The following ROR2 variants were observed in gnomAD, a reference collection of about 807,000 sequenced individuals.
ROR2 encodes the protein ROR family WNT receptor 2.
In ROR2, 33 loss-of-function variants were observed where a neutral mutation model predicts 74.9. That is an observed-to-expected ratio of 0.44 (90% CI 0.33 to 0.59). ROR2 has a LOEUF of 0.59. ROR2 is among the 20% of genes least tolerant of loss of function. The pLI is 0.02. For missense variants in ROR2, 1,216 were observed against 1,313.8 expected, an observed-to-expected ratio of 0.93 and a Z score of 1.15; for synonymous variants, 586 against 558.7, an observed-to-expected ratio of 1.05 and a Z score of -0.69.
At chr9:91,822,952 C>T (rs982805221) in intron 1 of ROR2, among the ~76,000 whole-genome samples, 4 of 152,312 alleles carry the variant, frequency 2.6e-5, no homozygotes, top group African/African-American at 7.2e-5. Flanking sequence ...CAGTAAGAAA[C>T]ATCACCGGAG....
intron 1 of ROR2, among the ~76,000 whole-genome samples, chr9:91,820,999 G>A (rs555282155): frequency 6.6e-6 from 1 of 152,250 alleles, no homozygotes; most frequent in African/African-American, 2.4e-5. Flanking sequence ...TACTCAGGAA[G>A]CTGAGGCAGG....
intron 1 of ROR2, among the ~76,000 whole-genome samples, chr9:91,897,631 G>A (rs111847106): frequency 2.6e-5 from 4 of 152,276 alleles, no homozygotes; most frequent in African/African-American, 9.6e-5. Context: ...CTAAGATGTG[G>A]GGTGAGCTTG....
intron 1 of ROR2, among the ~76,000 whole-genome samples, chr9:91,874,884 G>A (rs971307218): frequency 1.3e-4 from 19 of 151,326 alleles, no homozygotes; most frequent in African/African-American, 4.4e-4. Flanking sequence ...GCAGTGAGCT[G>A]AGATCGCCAT....
At chr9:91,813,442 T>C (rs1587743873) in intron 1 of ROR2, among the ~76,000 whole-genome samples, 1 of 152,108 alleles carries the variant, frequency 6.6e-6, no homozygotes, top group South Asian at 2.1e-4. Context: ...CGCGTCTGGG[T>C]CAGGATGGGT....
chr9:91,813,340 C>G (rs1827821342), intron 1 of ROR2, among the ~76,000 whole-genome samples: 1 of 152,182 alleles, frequency 6.6e-6, no homozygotes, highest in Non-Finnish European at 1.5e-5. Flanking sequence ...CTACAAAACT[C>G]TGACTTGTCT....
At chr9:91,924,471 G>A (rs1421926440) in intron 1 of ROR2, among the ~76,000 whole-genome samples, 1 of 152,224 alleles carries the variant, frequency 6.6e-6, no homozygotes, top group East Asian at 1.9e-4. Context: ...GTGCATTAGA[G>A]AGGCACAGAT....
At chr9:91,741,024 G>A (rs922513781) in intron 4 of ROR2, among the ~76,000 whole-genome samples, 7 of 152,080 alleles carry the variant, frequency 4.6e-5, no homozygotes, top group African/African-American at 7.2e-5. Flanking sequence ...CAACTCGGCC[G>A]GGTGCGGTGG....
intron 1 of ROR2, among the ~76,000 whole-genome samples, chr9:91,844,309 T>C (rs1035937213): frequency 9.9e-5 from 15 of 152,092 alleles, no homozygotes; most frequent in African/African-American, 3.1e-4. Context: ...TGCAGGTTCC[T>C]GGGGGCCTCC....
chr9:91,752,949 G>GCTA (rs1204099514), intron 4 of ROR2, among the ~76,000 whole-genome samples: 2 of 152,154 alleles, frequency 1.3e-5, no homozygotes, highest in African/African-American at 4.8e-5. Context: ...TGAGTATACA[G>GCTA]GAGCCCACTA....
At chr9:91,908,911 C>G (rs1373538360) in intron 1 of ROR2, among the ~76,000 whole-genome samples, 2 of 132,838 alleles carry the variant, frequency 1.5e-5, no homozygotes, top group Non-Finnish European at 3.2e-5. Context: ...CTCCACTGAC[C>G]ATGAGGGAGT....
intron 1 of ROR2, among the ~76,000 whole-genome samples, chr9:91,917,780 G>A (rs1279579031): frequency 2.6e-5 from 4 of 152,214 alleles, no homozygotes; most frequent in Non-Finnish European, 5.9e-5. Flanking sequence ...AGCCAGACAG[G>A]CCAGCAGGGC....
At chr9:91,834,018 C>T (rs1043163109) in intron 1 of ROR2, among the ~76,000 whole-genome samples, 8 of 152,148 alleles carry the variant, frequency 5.3e-5, no homozygotes, top group African/African-American at 1.2e-4. Context: ...GTGGGTAGGC[C>T]GTCCCCCTGG....
At chr9:91,816,688 A>AACCCCCCCCC (rs1827949792) in intron 1 of ROR2, among the ~76,000 whole-genome samples, 1 of 91,286 alleles carries the variant, frequency 1.1e-5, no homozygotes, top group Admixed American at 1.2e-4. Context: ...CTTGTTTACC[A>AACCCCCCCCC]CCCCCCCACC....
intron 1 of ROR2, among the ~76,000 whole-genome samples, chr9:91,815,877 G>C (rs951693112): frequency 6.6e-6 from 1 of 152,150 alleles, no homozygotes; most frequent in African/African-American, 2.4e-5. Flanking sequence ...ATCAGCGCCC[G>C]TGGAAGGGGT....
chr9:91,776,440 T>A (rs1045133769), intron 1 of ROR2, among the ~76,000 whole-genome samples: 1 of 152,298 alleles, frequency 6.6e-6, no homozygotes, highest in East Asian at 1.9e-4. Flanking sequence ...TGACCAGCCA[T>A]TTAGAAGAAA....
chr9:91,819,844 T>C (rs1828085633), intron 1 of ROR2, among the ~76,000 whole-genome samples: 2 of 152,238 alleles, frequency 1.3e-5, no homozygotes, highest in South Asian at 4.2e-4. Flanking sequence ...ATTGTGTCTC[T>C]AAGTGTGTTC....
intron 1 of ROR2, among the ~76,000 whole-genome samples, chr9:91,851,252 T>C (rs7850636): frequency 0.25 from 38,270 of 151,116 alleles, 5,240 homozygotes; most frequent in Admixed American, 0.42. Flanking sequence ...CTCAGGAGGC[T>C]GAGGCAGGAG....
At chr9:91,864,006 A>G (rs1378180160) in intron 1 of ROR2, among the ~76,000 whole-genome samples, 1 of 152,224 alleles carries the variant, frequency 6.6e-6, no homozygotes, top group African/African-American at 2.4e-5. Context: ...AGAAAGACAC[A>G]CAAGGAAGCA....
chr9:91,872,480 A>G (rs1394267318), intron 1 of ROR2, among the ~76,000 whole-genome samples: 2 of 152,202 alleles, frequency 1.3e-5, no homozygotes, highest in African/African-American at 4.8e-5. Flanking sequence ...TTTACACCAC[A>G]CAGCCAGAAT....
Sources: gnomAD v4.1 joint callset for allele counts (sites outside exome capture counted in the v4.1 genomes callset) on GRCh38, gnomAD v4.1.1 for gene constraint, MANE v1.5 for transcripts, NCBI Gene and HGNC (gene_info 2026-07-23, HGNC 2026-07-21) for gene names.